Variants in NRG4 observed in about 807,000 individuals in gnomAD.
NRG4 encodes pro-neuregulin-4, membrane-bound isoform.
A neutral mutation model predicts 15.0 loss-of-function variants in NRG4; 10 were observed. That is an observed-to-expected ratio of 0.67 (90% CI 0.41 to 1.13). The LOEUF is 1.13. NRG4 is among the 50% of genes most tolerant of loss of function. The pLI is 0.00. For synonymous variants in NRG4, 41 were observed against 50.1 expected (o/e 0.82, Z 0.77); for missense variants, 139 against 140.2 (o/e 0.99, Z 0.04).
intron 5 of NRG4, among the ~76,000 whole-genome samples, chr15:75,945,411 C>T (rs552731230): frequency 3.3e-5 from 5 of 152,026 alleles, no homozygotes; most frequent in Admixed American, 1.3e-4. Flanking sequence ...CCACTATGCC[C>T]GGTTCATTTT....
intron 5 of NRG4, among the ~76,000 whole-genome samples, chr15:75,955,320 G>A (rs2032173673): frequency 6.6e-6 from 1 of 152,072 alleles, no homozygotes; most frequent in Non-Finnish European, 1.5e-5. Context: ...CAAAAGCCTG[G>A]AAATTCTCTC....
At chr15:76,023,130 CCA>C (rs10572540) in intron 5 of NRG4, among the ~76,000 whole-genome samples, 8,098 of 119,868 alleles carry the variant, frequency 0.068, 260 homozygotes, top group East Asian at 0.1. Context: ...CACCCATACT[CCA>C]CACACACACA....
At chr15:75,992,002 C>T (rs1181476314) in intron 3 of NRG4, among the ~76,000 whole-genome samples, 1 of 151,912 alleles carries the variant, frequency 6.6e-6, no homozygotes, top group East Asian at 1.9e-4. Flanking sequence ...ATCTATAAAC[C>T]TTTTAGCCAA....
At chr15:76,056,446 G>A (rs2036154055) in intron 2 of NRG4, among the ~76,000 whole-genome samples, 1 of 151,318 alleles carries the variant, frequency 6.6e-6, no homozygotes, top group Non-Finnish European at 1.5e-5. Context: ...CAACAAGAGC[G>A]AAACTCCGTC....
chr15:76,040,081 C>T (rs1437752933), intron 4 of NRG4, among the ~76,000 whole-genome samples: 1 of 151,974 alleles, frequency 6.6e-6, no homozygotes, highest in Non-Finnish European at 1.5e-5. Context: ...AGAAGGCAAG[C>T]AGATTTAACC....
intron 3 of NRG4, among the ~76,000 whole-genome samples, chr15:75,967,348 G>A (rs755915108): frequency 2.0e-5 from 3 of 150,650 alleles, no homozygotes; most frequent in East Asian, 3.9e-4. Flanking sequence ...CAAAATTTTT[G>A]TTGTTTAACG....
chr15:75,957,861 T>C (rs150680959), intron 4 of NRG4, among the ~76,000 whole-genome samples: 1 of 152,308 alleles, frequency 6.6e-6, no homozygotes, highest in African/African-American at 2.4e-5. Context: ...TTTTATTGTG[T>C]TTAATCTGCT....
chr15:75,935,540 A>G (rs1413691341), downstream of NRG4: 3 of 151,710 alleles, frequency 2.0e-5, no homozygotes, highest in Non-Finnish European at 2.9e-5. Context: ...GATCCAAGTA[A>G]AATCTAAGGA....
At chr15:76,042,690 G>A (rs334925) in intron 4 of NRG4, among the ~76,000 whole-genome samples, 3,575 of 152,002 alleles carry the variant, frequency 0.024, 134 homozygotes, top group African/African-American at 0.081. Flanking sequence ...AAGGAAAGCC[G>A]GAGACCTCTG....
chr15:76,031,999 CAAG>C (rs2035485244), intron 5 of NRG4, among the ~76,000 whole-genome samples: 1 of 152,080 alleles, frequency 6.6e-6, no homozygotes, highest in Non-Finnish European at 1.5e-5. Flanking sequence ...ACAGGGTAAA[CAAG>C]AAGTAGAGAG....
At chr15:75,954,004 A>G (rs1227185684) in intron 5 of NRG4, among the ~76,000 whole-genome samples, 1 of 151,840 alleles carries the variant, frequency 6.6e-6, no homozygotes, top group African/African-American at 2.4e-5. Flanking sequence ...AAATTTTTAT[A>G]TGTGTGAATT....
intron 4 of NRG4, among the ~76,000 whole-genome samples, chr15:76,041,140 C>T (rs898421965): frequency 6.6e-5 from 10 of 151,622 alleles, no homozygotes; most frequent in Non-Finnish European, 1.3e-4. Flanking sequence ...TTATGGTAAT[C>T]TCAAATCAAA....
At chr15:75,959,944 T>C (rs184720023) in intron 4 of NRG4, among the ~76,000 whole-genome samples, 1 of 152,324 alleles carries the variant, frequency 6.6e-6, no homozygotes, top group Non-Finnish European at 1.5e-5. Flanking sequence ...CTCAAGATGG[T>C]GGTTGCTCCA....
upstream of NRG4, among the ~76,000 whole-genome samples, chr15:76,017,193 G>T (rs1596028714): frequency 4.4e-5 from 3 of 68,006 alleles, no homozygotes; most frequent in Admixed American, 2.3e-4. Context: ...CCATTTGCTT[G>T]GTAAATATTC....
intron 1 of NRG4, among the ~76,000 whole-genome samples, chr15:76,057,884 T>C (rs1000764912): frequency 7.3e-5 from 11 of 151,464 alleles, no homozygotes; most frequent in Non-Finnish European, 1.3e-4. Context: ...ATAGCCATTG[T>C]AGAAAAAAAT....
chr15:76,000,147 G>C (rs2034357835), intron 3 of NRG4, among the ~76,000 whole-genome samples: 1 of 152,140 alleles, frequency 6.6e-6, no homozygotes, highest in South Asian at 2.1e-4. Context: ...GCCTCCTAAA[G>C]TGTTGGGATT....
chr15:76,015,138 C>T (rs1451663410), upstream of NRG4, among the ~76,000 whole-genome samples: 2 of 152,056 alleles, frequency 1.3e-5, no homozygotes, highest in Non-Finnish European at 2.9e-5. Context: ...TGATTTGGCT[C>T]TCTTTGTCTG....
intron 2 of NRG4, among the ~76,000 whole-genome samples, chr15:76,055,913 C>T (rs555546301): frequency 1.3e-5 from 2 of 152,314 alleles, no homozygotes; most frequent in South Asian, 4.1e-4. Context: ...ATCTACTGTT[C>T]TTATTGCCCC....
intron 4 of NRG4, among the ~76,000 whole-genome samples, chr15:75,957,271 CAT>C (rs2032286355): frequency 6.6e-6 from 1 of 152,200 alleles, no homozygotes; most frequent in African/African-American, 2.4e-5. Context: ...TTTTACCTGA[CAT>C]ATATCCTTCA....
Sources: allele counts gnomAD v4.1 joint callset (sites outside exome capture counted in the v4.1 genomes callset), GRCh38; gene constraint gnomAD v4.1.1; transcripts MANE v1.5; gene names NCBI Gene and HGNC (gene_info 2026-07-23, HGNC 2026-07-21).